The following FAM81A variants were observed in gnomAD, a reference collection of about 807,000 sequenced individuals.
FAM81A encodes the protein protein FAM81A.
FAM81A carries 19 observed loss-of-function variants against 46.7 expected under a neutral mutation model. That is an observed-to-expected ratio of 0.41 (90% CI 0.28 to 0.60). The LOEUF (loss-of-function observed/expected upper bound fraction) is 0.60, where lower values mean the gene tolerates loss of function less well. FAM81A is among the 20% of genes least tolerant of loss of function. FAM81A has a pLI of 0.34. For synonymous variants in FAM81A, 183 were observed against 152.9 expected (o/e 1.20, Z -1.45); for missense variants, 377 against 453.5 (o/e 0.83, Z 1.53).
upstream of FAM81A, among the ~76,000 whole-genome samples, chr15:59,436,189 C>T (rs2081242188): frequency 6.6e-6 from 1 of 152,220 alleles, no homozygotes; most frequent in Non-Finnish European, 1.5e-5. Flanking sequence ...AAGAGCCCCT[C>T]ACCTTCCAGG....
At chr15:59,513,110 A>G (rs1355878027) in intron 6 of FAM81A, among the ~76,000 whole-genome samples, 1 of 152,260 alleles carries the variant, frequency 6.6e-6, no homozygotes, top group Non-Finnish European at 1.5e-5. Flanking sequence ...ACATATTATA[A>G]TAAAAACTGG....
intron 3 of FAM81A, among the ~76,000 whole-genome samples, chr15:59,461,930 G>A (rs548626830): frequency 2.0e-5 from 3 of 152,212 alleles, no homozygotes; most frequent in East Asian, 1.9e-4. Context: ...CTGGCAGGGC[G>A]CGGTGGCTCA....
At chr15:59,453,951 C>G (rs1260936658) in intron 1 of FAM81A, among the ~76,000 whole-genome samples, 1 of 152,188 alleles carries the variant, frequency 6.6e-6, no homozygotes, top group South Asian at 2.1e-4. Flanking sequence ...TGTGACTCCC[C>G]ATCTCCTCTG....
At position 59,509,062 on chromosome 15, in the gene FAM81A, G is replaced by A; in HGVS notation, c.650+93G>A. On this transcript the variant is annotated intron_variant, in intron 6 of 8. Coordinates refer to ENST00000288228, the MANE Select transcript of FAM81A (RefSeq NM_152450.3). ...TTTTTCCTCTTGGTTTTTATTTATT[G>A]CACAAATTGAAAACAATAATGGAAG... The A allele has an allele frequency of 3.2e-6, 3 of 949,920 alleles. No homozygotes were observed. The South Asian group carries it at 5.6e-5, about 18-fold the overall frequency. 58.8% of individuals were successfully genotyped at this position (949,920 alleles called of 1,614,324 possible).
chr15:59,418,833 C>A (rs1322685722), intron 2 of FAM81A, among the ~76,000 whole-genome samples: 4 of 152,182 alleles, frequency 2.6e-5, no homozygotes, highest in Non-Finnish European at 4.4e-5. Flanking sequence ...GTGATGTCTC[C>A]TCCTCACAGA....
At chr15:59,511,385 A>G (rs543846821) in intron 6 of FAM81A, among the ~76,000 whole-genome samples, 1 of 152,370 alleles carries the variant, frequency 6.6e-6, no homozygotes, top group South Asian at 2.1e-4. Flanking sequence ...TAAAATTTCC[A>G]TTCTAAAAGA....
intron 3 of FAM81A, among the ~76,000 whole-genome samples, chr15:59,479,284 G>C (rs141913456): frequency 3.9e-5 from 6 of 151,996 alleles, no homozygotes; most frequent in African/African-American, 1.4e-4. Flanking sequence ...AGGCCGAGGC[G>C]TGCAGATCAC....
At chr15:59,447,181 C>T (rs1416267540) in intron 1 of FAM81A, among the ~76,000 whole-genome samples, 3 of 152,224 alleles carry the variant, frequency 2.0e-5, no homozygotes, top group Non-Finnish European at 4.4e-5. Flanking sequence ...ATCCTTGCCT[C>T]ACCCTCTCCA....
chr15:59,502,092 T>G (rs1278638412), intron 4 of FAM81A, among the ~76,000 whole-genome samples: 3 of 151,852 alleles, frequency 2.0e-5, no homozygotes, highest in African/African-American at 7.2e-5. Flanking sequence ...GTATTATTCT[T>G]TCATGCATGT....
intron 1 of FAM81A, among the ~76,000 whole-genome samples, chr15:59,451,680 T>C (rs2081420761): frequency 6.6e-6 from 1 of 152,150 alleles, no homozygotes; most frequent in East Asian, 1.9e-4. Context: ...GTTGAACTCC[T>C]GACCTCAAAT....
At chr15:59,399,796 T>G (rs1204331275) in intron 1 of FAM81A, among the ~76,000 whole-genome samples, 1 of 152,150 alleles carries the variant, frequency 6.6e-6, no homozygotes, top group African/African-American at 2.4e-5. Context: ...TGCAGCTGAT[T>G]CTCTAAGTTT....
At chr15:59,497,510 G>A (rs865966377) in intron 4 of FAM81A, among the ~76,000 whole-genome samples, 1 of 152,130 alleles carries the variant, frequency 6.6e-6, no homozygotes, top group South Asian at 2.1e-4. Context: ...AATATTGATA[G>A]GGACTGTGTT....
chr15:59,446,147 C>G (rs1230888961), intron 1 of FAM81A, among the ~76,000 whole-genome samples: 1 of 151,946 alleles, frequency 6.6e-6, no homozygotes, highest in Non-Finnish European at 1.5e-5. Flanking sequence ...GTGGAGATTA[C>G]AGGTTCATGT....
chr15:59,509,861 A>G (rs1382134526), intron 6 of FAM81A, among the ~76,000 whole-genome samples: 1 of 152,252 alleles, frequency 6.6e-6, no homozygotes, highest in African/African-American at 2.4e-5. Context: ...GCAGTGGGGC[A>G]TGAGGCTGCA....
intron 1 of FAM81A, among the ~76,000 whole-genome samples, chr15:59,449,442 T>C (rs1465730425): frequency 2.6e-5 from 4 of 152,172 alleles, no homozygotes; most frequent in Non-Finnish European, 5.9e-5. Context: ...CATCTTGAGA[T>C]GTTACAGATT....
At chr15:59,494,809 A>G (rs1213125064) in intron 4 of FAM81A, among the ~76,000 whole-genome samples, 9 of 152,162 alleles carry the variant, frequency 5.9e-5, no homozygotes, top group Non-Finnish European at 1.2e-4. Flanking sequence ...ATTATTTCAT[A>G]TTTAATTTTA....
intron 3 of FAM81A, among the ~76,000 whole-genome samples, chr15:59,486,393 A>G (rs1304608147): frequency 6.6e-6 from 1 of 152,214 alleles, no homozygotes; most frequent in African/African-American, 2.4e-5. Flanking sequence ...TACGAGATCT[A>G]GAAAGTAGCT....
At position 59,459,954 on chromosome 15, in the gene FAM81A, A is replaced by G; in HGVS notation, c.42A>G (p.Arg14=). ...MHLRRVRTMP[R]HSQSLTMAPY... Reference sequence around the variant, plus strand: ...GCAGGCGAGTGAGAACCATGCCCCGACACAGCCAGTCCCTGACCATGGCAC... The same window carrying G: ...GCAGGCGAGTGAGAACCATGCCCCGGCACAGCCAGTCCCTGACCATGGCAC... The change falls in exon 3 of 9, where the codon CGA becomes CGG. Residue 14 remains arginine, a synonymous_variant. Coordinates refer to ENST00000288228, the MANE Select transcript of FAM81A (RefSeq NM_152450.3). The G allele has an allele frequency of 6.2e-7, 1 of 1,606,950 alleles. No individual in the cohort carries two copies. The highest frequency in any genetic ancestry group is 8.5e-7 in the Non-Finnish European group (1 of 1,175,942).
chr15:59,480,495 G>T (rs1351787905), intron 3 of FAM81A, among the ~76,000 whole-genome samples: 1 of 152,162 alleles, frequency 6.6e-6, no homozygotes, highest in Admixed American at 6.5e-5. Context: ...GTTTTTTAAA[G>T]ATAGGCCGTA....
Sources: gnomAD v4.1 joint callset for allele counts (sites outside exome capture counted in the v4.1 genomes callset) on GRCh38, gnomAD v4.1.1 for gene constraint, MANE v1.5 for transcripts, NCBI Gene and HGNC (gene_info 2026-07-23, HGNC 2026-07-21) for gene names.